Variants in ST18 observed in about 807,000 individuals in gnomAD.
The protein encoded by ST18 is ST18 C2H2C-type zinc finger transcription factor.
ST18 carries 50 observed loss-of-function variants against 110.0 expected under a neutral mutation model. The observed-to-expected ratio is 0.45, with a 90% CI of 0.36 to 0.58. The LOEUF is 0.58. Ranked by LOEUF, ST18 falls within the 20% of genes least tolerant of loss-of-function variation. The pLI is 0.00. For synonymous variants in ST18, 461 were observed against 452.4 expected, an observed-to-expected ratio of 1.02 and a Z score of -0.24; for missense variants, 1,306 against 1,280.1, an observed-to-expected ratio of 1.02 and a Z score of -0.31.
At chr8:52,366,491 G>A (rs1827986773) in intron 2 of ST18, among the ~76,000 whole-genome samples, 1 of 152,082 alleles carries the variant, frequency 6.6e-6, no homozygotes, top group Non-Finnish European at 1.5e-5. Context: ...AATAATGCTG[G>A]GCTTCCTGCT....
In ST18 at chr8:52,311,220, G is replaced by A. The variant is rs1022235125; in HGVS notation, c.-464-81143C>T. ...TGTGGGCAACTGGACATTCCTGCGG[G>A]GCTCAGCAGTGAGGACCAGGCTGAG... On this transcript the variant is annotated intron_variant, in intron 2 of 25. Coordinates refer to ENST00000689386, the MANE Select transcript of ST18 (RefSeq NM_001352837.2). Among the ~76,000 whole-genome samples the A allele has an allele frequency of 2.6e-5, 4 of 152,132 alleles. No homozygotes were observed. The South Asian group carries it at 8.3e-4, about 32-fold the overall frequency.
intron 23 of ST18, among the ~76,000 whole-genome samples, chr8:52,125,423 GAA>G (rs903013195): frequency 4.5e-4 from 69 of 152,086 alleles, no homozygotes; most frequent in African/African-American, 1.6e-3. Context: ...ACACGAGAGA[GAA>G]AGAGAACACA....
chr8:52,196,848 C>T (rs1460887907), intron 8 of ST18, among the ~76,000 whole-genome samples: 1 of 152,104 alleles, frequency 6.6e-6, no homozygotes, highest in Non-Finnish European at 1.5e-5. Flanking sequence ...GGTCCCAGGG[C>T]CTCCTGGAGG....
At chr8:52,323,152 A>G (rs754382796) in intron 2 of ST18, among the ~76,000 whole-genome samples, 9 of 152,042 alleles carry the variant, frequency 5.9e-5, no homozygotes, top group Non-Finnish European at 1.2e-4. Context: ...GGCTCTAGAC[A>G]CCAAAGCAAC....
intron 2 of ST18, among the ~76,000 whole-genome samples, chr8:52,287,165 A>T (rs990630595): frequency 1.3e-5 from 2 of 152,194 alleles, no homozygotes; most frequent in African/African-American, 4.8e-5. Flanking sequence ...GGATGGATAT[A>T]TGAAGGTCCA....
chr8:52,132,500 C>T (rs182701874), intron 21 of ST18, among the ~76,000 whole-genome samples: 59 of 152,232 alleles, frequency 3.9e-4, no homozygotes, highest in African/African-American at 1.3e-3. Flanking sequence ...AGGTCTAGAG[C>T]CAACCACATA....
At chr8:52,211,309 A>G (rs887872395) in intron 8 of ST18, among the ~76,000 whole-genome samples, 1 of 151,800 alleles carries the variant, frequency 6.6e-6, no homozygotes, top group Non-Finnish European at 1.5e-5. Context: ...AATCCACTCA[A>G]AAAAACTATT....
Position 52,136,585 on chromosome 8 carries a change from C to T in ST18, c.2300+5G>A. The stretch of plus-strand genomic sequence containing the variant: ...GGGCAAGCCGGCCACGCTTCCCGCA[C>T]TTACTTAAGCTCCTGAGAGTTGGCA... On this transcript the variant is annotated splice_donor_5th_base_variant and intron_variant, in intron 19 of 25. Coordinates refer to ENST00000689386, the MANE Select transcript of ST18 (RefSeq NM_001352837.2). 1 of 1,609,274 alleles carries T rather than the reference C, an allele frequency of 6.2e-7. No homozygotes were observed. Among genetic ancestry groups the T allele is most frequent in the Non-Finnish European group, 8.5e-7 (1 of 1,178,080 alleles).
In ST18 at chr8:52,346,883, A is replaced by G. The variant is rs572274858; in HGVS notation, c.-465+62445T>C. 3.9e-5 allele frequency among the ~76,000 whole-genome samples: 6 copies of G among 152,336 alleles called. No homozygotes were observed. The East Asian group carries it at 1.2e-3, about 29-fold the overall frequency. On this transcript the variant is annotated intron_variant, in intron 2 of 25. Transcript: ENST00000689386. Reference sequence around the variant, plus strand: ...ATGGGAGATGAACAATCTCTGGGGGAGAAAGGAGGAAACGGCTGGAGTAGG... The same window carrying G: ...ATGGGAGATGAACAATCTCTGGGGGGGAAAGGAGGAAACGGCTGGAGTAGG...
At chr8:52,290,063 T>C (rs1273428987) in intron 2 of ST18, among the ~76,000 whole-genome samples, 1 of 152,150 alleles carries the variant, frequency 6.6e-6, no homozygotes, top group African/African-American at 2.4e-5. Flanking sequence ...ACTCTTATGG[T>C]ACACCTGGTA....
intron 2 of ST18, among the ~76,000 whole-genome samples, chr8:52,394,343 T>C (rs77187467): frequency 0.061 from 9,266 of 152,242 alleles, 562 homozygotes; most frequent in African/African-American, 0.15. Flanking sequence ...TATATATCTT[T>C]AGAAAAATTT....
intron 5 of ST18, among the ~76,000 whole-genome samples, chr8:52,218,932 G>A (rs902426774): frequency 7.9e-5 from 12 of 151,982 alleles, no homozygotes; most frequent in Admixed American, 3.3e-4. Flanking sequence ...CATGAGGAAC[G>A]CTTTATCTAC....
At chr8:52,329,283 TAAA>T (rs368634304) in intron 2 of ST18, among the ~76,000 whole-genome samples, 3 of 128,834 alleles carry the variant, frequency 2.3e-5, no homozygotes, top group Non-Finnish European at 1.7e-5. Flanking sequence ...GGAGAAATGG[TAAA>T]AAAAAAAAAA....
rs913233565 is a variant in ST18, at chr8:52,338,301, G to A, written c.-465+71027C>T. The stretch of plus-strand genomic sequence containing the variant: ...TCAAACTCCTGACCTCAGATGATCC[G>A]CCCACCTCGGCCTCCCAAAGTACTG... On this transcript the variant is annotated intron_variant, in intron 2 of 25. Coordinates refer to ENST00000689386, the MANE Select transcript of ST18 (RefSeq NM_001352837.2). 3.7e-4 allele frequency among the ~76,000 whole-genome samples: 56 copies of A among 151,866 alleles called. 1 individual carries two copies. The highest frequency in any genetic ancestry group is 1.9e-3 in the Admixed American group (29 of 15,236).
intron 15 of ST18, among the ~76,000 whole-genome samples, chr8:52,156,458 C>T (rs1023477218): frequency 5.3e-5 from 8 of 152,150 alleles, no homozygotes; most frequent in African/African-American, 1.9e-4. Context: ...CAAATAATAG[C>T]AGAGAGATAA....
At chr8:52,340,729 A>G (rs1046478742) in intron 2 of ST18, among the ~76,000 whole-genome samples, 5 of 152,198 alleles carry the variant, frequency 3.3e-5, no homozygotes, top group Admixed American at 2.6e-4. Context: ...GACACACTCT[A>G]GTGCTGTCTA....
intron 22 of ST18, among the ~76,000 whole-genome samples, chr8:52,126,715 A>T (rs1011352972): frequency 6.6e-6 from 1 of 152,210 alleles, no homozygotes; most frequent in Non-Finnish European, 1.5e-5. Context: ...ATTTTTCATT[A>T]AAAAATTCTC....
intron 2 of ST18, among the ~76,000 whole-genome samples, chr8:52,335,747 TTTGGAACC>T (rs1811730502): frequency 6.6e-6 from 1 of 152,158 alleles, no homozygotes; most frequent in African/African-American, 2.4e-5. Flanking sequence ...CACCTCTTGC[TTTGGAACC>T]TTGGAACCTT....
At chr8:52,223,355 G>A (rs375633115) in intron 3 of ST18, among the ~76,000 whole-genome samples, 7 of 152,136 alleles carry the variant, frequency 4.6e-5, no homozygotes, top group African/African-American at 1.7e-4. Context: ...TTTATTTATG[G>A]GTCCTTGGCC....
Sources: allele counts gnomAD v4.1 joint callset (sites outside exome capture counted in the v4.1 genomes callset), GRCh38; gene constraint gnomAD v4.1.1; transcripts MANE v1.5; gene names NCBI Gene and HGNC (gene_info 2026-07-23, HGNC 2026-07-21).